The following CTNNA2 variants were observed in gnomAD, a reference collection of about 807,000 sequenced individuals.
The protein encoded by CTNNA2 is catenin alpha 2, also known as catenin alpha-2.
A neutral mutation model predicts 101.0 loss-of-function variants in CTNNA2; 42 were observed. The observed-to-expected ratio is 0.42, with a 90% CI of 0.32 to 0.54. CTNNA2 has a LOEUF of 0.54. Among genes scored for constraint, CTNNA2 ranks in the 20% least tolerant of loss-of-function variants. The pLI, the probability that CTNNA2 is intolerant of heterozygous loss-of-function variation, is 0.14. For synonymous variants in CTNNA2, 450 were observed against 456.4 expected, an observed-to-expected ratio of 0.99 and a Z score of 0.18; for missense variants, 871 against 1,223.1, an observed-to-expected ratio of 0.71 and a Z score of 4.29.
At chr2:79,514,344 C>CA (rs1448043402) in intron 1 of CTNNA2, among the ~76,000 whole-genome samples, 1 of 152,178 alleles carries the variant, frequency 6.6e-6, no homozygotes, top group Non-Finnish European at 1.5e-5. Flanking sequence ...CTTTAACAGA[C>CA]ACCCTTACCC....
rs551574114 is a variant in CTNNA2 at position 79,235,697 on chromosome 2, G to T, written c.-406+37621G>T. Among the ~76,000 whole-genome samples, 121 of 152,282 alleles carry T rather than the reference G, an allele frequency of 7.9e-4. 1 individual carries two copies. The highest frequency in any genetic ancestry group is 2.6e-3 in the African/African-American group (110 of 41,548). ...GGGCTTGCCACTGCTTAGACACTGT[G>T]CAAGTCAGCAAGTTCCATTCAGCTA... On this transcript the variant is annotated intron_variant, in intron 2 of 21. Coordinates refer to the CTNNA2 transcript ENST00000466387.
At chr2:79,258,946 G>A (rs776609554) in intron 2 of CTNNA2, among the ~76,000 whole-genome samples, 7 of 151,568 alleles carry the variant, frequency 4.6e-5, no homozygotes, top group Non-Finnish European at 8.8e-5. Flanking sequence ...GATAAGTGAG[G>A]CCTATATTTT....
rs1003199690 is a variant in CTNNA2, at chr2:80,524,853, C to T, written c.1291-20129C>T. 2.4e-4 allele frequency among the ~76,000 whole-genome samples: 36 copies of T among 152,272 alleles called. 1 individual carries two copies. Among genetic ancestry groups the T allele is most frequent in the Middle Eastern group, 3.4e-3 (1 of 294 alleles). On this transcript the variant is annotated intron_variant, in intron 9 of 18. Coordinates refer to ENST00000402739, the MANE Select transcript of CTNNA2 (RefSeq NM_001282597.3). ...ACAAGCATAGATCTCTACTGTAGCA[C>T]GTTTGTATTTGACTTCATTCGCTCT...
chr2:79,633,373 G>A (rs1679819585), intron 1 of CTNNA2, among the ~76,000 whole-genome samples: 1 of 152,156 alleles, frequency 6.6e-6, no homozygotes, highest in South Asian at 2.1e-4. Flanking sequence ...GTCCCCAGCT[G>A]AGTTGCTATC....
At chr2:80,251,808 A>G (rs1005179180) in intron 7 of CTNNA2, among the ~76,000 whole-genome samples, 2 of 152,214 alleles carry the variant, frequency 1.3e-5, no homozygotes, top group African/African-American at 4.8e-5. Flanking sequence ...ATTAAGAGTC[A>G]TTGGAGCTAA....
chr2:79,760,848 G>A (rs774983035), intron 3 of CTNNA2, among the ~76,000 whole-genome samples: 1 of 152,120 alleles, frequency 6.6e-6, no homozygotes, highest in African/African-American at 2.4e-5. Context: ...ATTTCTCCTG[G>A]AAAACCCTTG....
chr2:79,615,420 A>G lies in CTNNA2; in HGVS notation c.-5-36132A>G, dbSNP rs572839097. Among the ~76,000 whole-genome samples the G allele has an allele frequency of 5.6e-4, 85 of 152,328 alleles. 1 individual carries two copies. Among genetic ancestry groups the G allele is most frequent in the South Asian group, 4.4e-3 (21 of 4,826 alleles). On this transcript the variant is annotated intron_variant, in intron 1 of 18. Transcript: ENST00000402739. ...TACACAAACAAATTAAGAGTTTATA[A>G]TAGCTGTCTTGCTTTAACTGGAATA... is the stretch of plus-strand genomic sequence containing the variant.
intron 7 of CTNNA2, among the ~76,000 whole-genome samples, chr2:80,101,535 G>A (rs6717122): frequency 1.3e-5 from 2 of 152,242 alleles, no homozygotes; most frequent in Non-Finnish European, 2.9e-5. Context: ...AAGTCTATGC[G>A]TGATAGCCTA....
chr2:79,844,031 A>T (rs1245709097), intron 3 of CTNNA2, among the ~76,000 whole-genome samples: 1 of 152,238 alleles, frequency 6.6e-6, no homozygotes, highest in East Asian at 1.9e-4. Flanking sequence ...TTAAATTTGT[A>T]GTGAAAAATA....
At chr2:79,268,650 T>A (rs2104295754) in intron 2 of CTNNA2, among the ~76,000 whole-genome samples, 1 of 152,180 alleles carries the variant, frequency 6.6e-6, no homozygotes, top group East Asian at 1.9e-4. Flanking sequence ...ACCTGTGGGA[T>A]CTGATGTTAT....
intron 2 of CTNNA2, among the ~76,000 whole-genome samples, chr2:79,702,783 A>G (rs757372665): frequency 6.6e-6 from 1 of 152,152 alleles, no homozygotes; most frequent in African/African-American, 2.4e-5. Flanking sequence ...ACTTACCTAA[A>G]TTGACTAGTT....
At chr2:80,556,067 A>G (rs1439448184) in intron 12 of CTNNA2, among the ~76,000 whole-genome samples, 174 bp downstream of exon 12, 1 of 152,204 alleles carries the variant, frequency 6.6e-6, no homozygotes, top group African/African-American at 2.4e-5. Flanking sequence ...AATTTGAATA[A>G]TATTAGGAGA....
chr2:80,349,490 T>A (rs1294518179), intron 7 of CTNNA2, among the ~76,000 whole-genome samples: 1 of 152,136 alleles, frequency 6.6e-6, no homozygotes, highest in Non-Finnish European at 1.5e-5. Flanking sequence ...AGGTTCTGAT[T>A]ACCATTTCCT....
chr2:79,710,895 T>A (rs1685696906), intron 2 of CTNNA2, among the ~76,000 whole-genome samples: 2 of 152,246 alleles, frequency 1.3e-5, no homozygotes, highest in Non-Finnish European at 2.9e-5. Context: ...TGAGCTATTG[T>A]TTATCCACAG....
intron 9 of CTNNA2, among the ~76,000 whole-genome samples, chr2:80,441,504 T>C (rs7595705): frequency 0.033 from 5,005 of 152,260 alleles, 252 homozygotes; most frequent in African/African-American, 0.11. Flanking sequence ...GAAGCTCATG[T>C]TGGGTTGCAA....
rs59312715 is a variant in CTNNA2 at position 79,559,937 on chromosome 2, GA to G, written c.-6+46739del. Among the ~76,000 whole-genome samples the G allele has an allele frequency of 1.9e-3, 293 of 150,872 alleles. 3 individuals carry two copies. Among genetic ancestry groups the G allele is most frequent in the Non-Finnish European group, 1.7e-3 (114 of 67,532 alleles). ...AACTCTGAAAAACACCCGATTTACAGAAAAAAAAAGTTGGGGCTCTTAGAAG... is the reference window on the plus strand; with the variant it reads ...AACTCTGAAAAACACCCGATTTACAGAAAAAAAAGTTGGGGCTCTTAGAAG... On this transcript the variant is annotated intron_variant, in intron 1 of 18. Coordinates refer to ENST00000402739, the MANE Select transcript of CTNNA2 (RefSeq NM_001282597.3).
chr2:79,217,072 G>C (rs1463206359), intron 2 of CTNNA2, among the ~76,000 whole-genome samples: 2 of 152,194 alleles, frequency 1.3e-5, no homozygotes, highest in African/African-American at 2.4e-5. Context: ...AGAAGGGAGA[G>C]ATTGAAGGGT....
chr2:80,427,481 T>C (rs1681094280), intron 9 of CTNNA2, among the ~76,000 whole-genome samples: 1 of 152,174 alleles, frequency 6.6e-6, no homozygotes. Context: ...TGGGTTCTCA[T>C]CCTCAGCTAG....
At chr2:80,363,802 A>G (rs1184434051) in intron 7 of CTNNA2, among the ~76,000 whole-genome samples, 2 of 152,202 alleles carry the variant, frequency 1.3e-5, no homozygotes, top group Admixed American at 6.5e-5. Context: ...ATAAATTTTC[A>G]TGAGACCAGT....
Sources: gnomAD v4.1 joint callset for allele counts (sites outside exome capture counted in the v4.1 genomes callset) on GRCh38, gnomAD v4.1.1 for gene constraint, MANE v1.5 for transcripts, NCBI Gene and HGNC (gene_info 2026-07-23, HGNC 2026-07-21) for gene names.